The following SORBS2 variants were observed in gnomAD, a reference collection of about 807,000 sequenced individuals.
SORBS2 encodes sorbin and SH3 domain containing 2.
SORBS2 carries 46 observed loss-of-function variants against 97.7 expected under a neutral mutation model. The ratio of observed to expected loss-of-function variants is 0.47; its 90% CI spans 0.37 to 0.60. The LOEUF is 0.60. Ranked by LOEUF, SORBS2 falls within the 20% of genes least tolerant of loss-of-function variation. SORBS2 has a pLI of 0.00. For missense variants in SORBS2, 1,316 were observed against 1,282.3 expected (o/e 1.03, Z -0.40); for synonymous variants, 476 against 473.4 (o/e 1.01, Z -0.07).
intron 12 of SORBS2, among the ~76,000 whole-genome samples, chr4:185,602,925 A>AT (rs1189009996): frequency 6.6e-6 from 1 of 152,216 alleles, no homozygotes; most frequent in Non-Finnish European, 1.5e-5. Flanking sequence ...AAAAATTGAG[A>AT]TTTCCTCCTA....
At chr4:185,667,235 C>T (rs1300436329) in intron 4 of SORBS2, among the ~76,000 whole-genome samples, 2 of 152,030 alleles carry the variant, frequency 1.3e-5, no homozygotes, top group African/African-American at 4.8e-5. Context: ...GATATTAGTA[C>T]AAAGATGGGA....
chr4:185,733,085 G>A (rs1447468952), intron 2 of SORBS2, among the ~76,000 whole-genome samples: 1 of 152,218 alleles, frequency 6.6e-6, no homozygotes, highest in Non-Finnish European at 1.5e-5. Context: ...CCCACGTAGA[G>A]TGTGAGACAA....
chr4:185,917,993 GT>G (rs1420171324), intron 1 of SORBS2: 1 of 152,098 alleles, frequency 6.6e-6, no homozygotes, highest in Non-Finnish European at 1.5e-5. Context: ...AAAATTCTTA[GT>G]TTCATAACGG....
intron 1 of SORBS2, among the ~76,000 whole-genome samples, chr4:185,783,877 A>C (rs763267707): frequency 6.6e-6 from 1 of 152,202 alleles, no homozygotes; most frequent in Non-Finnish European, 1.5e-5. Context: ...TTTTACAATT[A>C]AGTCACTATT....
At chr4:185,749,592 A>G (rs1239549402) in intron 2 of SORBS2, among the ~76,000 whole-genome samples, 1 of 152,220 alleles carries the variant, frequency 6.6e-6, no homozygotes, top group African/African-American at 2.4e-5. Flanking sequence ...ACCTTAGGGT[A>G]TATGGACTTT....
chr4:185,651,825 T>A (rs1230792133), intron 2 of SORBS2: 5 of 1,448,718 alleles, frequency 3.5e-6, no homozygotes, highest in Non-Finnish European at 4.8e-6. Flanking sequence ...GTCTGTGTCA[T>A]CATCTAGAAA....
At position 185,873,665 on chromosome 4, in the gene SORBS2, A is replaced by C. The variant is rs1168987369; in HGVS notation, c.-338+82531T>G. 2.0e-5 allele frequency among the ~76,000 whole-genome samples: 3 copies of C among 152,320 alleles called. No homozygotes were observed. In the East Asian group the frequency reaches 5.8e-4, roughly 29 times the overall value. ...TACATAAAAAATGAATACTTTAGAG[A>C]AAGACTGGGGTTTGATGCAACTCTA... On this transcript the variant is annotated intron_variant, in intron 1 of 20. Coordinates refer to the SORBS2 transcript ENST00000284776.
At chr4:185,649,398 A>G (rs1316478480) in intron 3 of SORBS2, 69 bp downstream of exon 12, 2 of 1,299,900 alleles carry the variant, frequency 1.5e-6, no homozygotes, top group Non-Finnish European at 2.1e-6. Context: ...TGATTCTTCT[A>G]CTGAATGCCA....
At chr4:185,863,746 T>A (rs2099225219) in intron 1 of SORBS2, among the ~76,000 whole-genome samples, 1 of 152,198 alleles carries the variant, frequency 6.6e-6, no homozygotes, top group Non-Finnish European at 1.5e-5. Context: ...ACCTCCAAAG[T>A]GTGAAAAATC....
intron 1 of SORBS2, among the ~76,000 whole-genome samples, chr4:185,849,689 C>T (rs898331184): frequency 1.3e-5 from 2 of 152,190 alleles, no homozygotes; most frequent in African/African-American, 4.8e-5. Flanking sequence ...AGGGGCAGGC[C>T]TGGGACTTTG....
chr4:185,689,891 T>A (rs74631384), intron 2 of SORBS2, among the ~76,000 whole-genome samples: 7,279 of 152,338 alleles, frequency 0.048, 274 homozygotes, highest in East Asian at 0.12. Context: ...AAGTTGTTTC[T>A]TGAATTACTT....
chr4:185,928,733 A>G (rs1388618928), intron 1 of SORBS2, among the ~76,000 whole-genome samples: 1 of 152,104 alleles, frequency 6.6e-6, no homozygotes, highest in Non-Finnish European at 1.5e-5. Context: ...TTTTTAGTAG[A>G]GACGGGGTTT....
intron 6 of SORBS2, among the ~76,000 whole-genome samples, chr4:185,626,457 T>C (rs73028078): frequency 0.054 from 8,280 of 152,354 alleles, 721 homozygotes; most frequent in African/African-American, 0.19. Flanking sequence ...CTTGTAATTT[T>C]TATCCTATAA....
At chr4:185,682,739 A>G (rs11941643) in intron 2 of SORBS2, among the ~76,000 whole-genome samples, 15,169 of 152,186 alleles carry the variant, frequency 0.1, 839 homozygotes, top group African/African-American at 0.14. Flanking sequence ...GGCCAGGTGT[A>G]GTGGCTCAGG....
intron 12 of SORBS2, among the ~76,000 whole-genome samples, chr4:185,597,125 A>G (rs1050414012): frequency 1.1e-4 from 17 of 152,230 alleles, no homozygotes; most frequent in Admixed American, 6.5e-5. Flanking sequence ...AGTTTATTTT[A>G]AAGGCATTTG....
At position 185,623,482 on chromosome 4, in the gene SORBS2, G is replaced by A. The variant is rs267600109; in HGVS notation, c.1647C>T (p.His549=). Residue 549 remains histidine, a synonymous_variant, in exon 7 of 15, where the codon CAC becomes CAT. Transcript: ENST00000418609. This position sits in a 1 kb window ranked among gnomAD's most constrained non-coding sequence, Gnocchi z 6.4. ...TGAGGTGGCGGTGGTGGTGGTGGTG[G>A]TGATGGTGGTGGTGGTGGCTGGATC... 1.2e-6 allele frequency: 2 copies of A among 1,613,076 alleles called. No individual in the cohort carries two copies. Among genetic ancestry groups the A allele is most frequent in the Non-Finnish European group, 8.5e-7 (1 of 1,179,926 alleles).
At chr4:185,674,139 C>T (rs572231396) in intron 4 of SORBS2, among the ~76,000 whole-genome samples, 41 of 152,320 alleles carry the variant, frequency 2.7e-4, no homozygotes, top group Non-Finnish European at 4.3e-4. Context: ...AGTACAGGCT[C>T]TTACATCCAA....
intron 1 of SORBS2, among the ~76,000 whole-genome samples, chr4:185,930,543 C>T (rs1437833290): frequency 6.6e-6 from 1 of 152,174 alleles, no homozygotes; most frequent in Non-Finnish European, 1.5e-5. Flanking sequence ...CGTGATCCGC[C>T]TGCCTCGGCC....
chr4:185,947,642 G>A (rs979069505), intron 1 of SORBS2, among the ~76,000 whole-genome samples: 10 of 151,566 alleles, frequency 6.6e-5, no homozygotes, highest in Non-Finnish European at 8.8e-5. Context: ...ATGGAGTTTC[G>A]CTCTTGTTGC....
Sources: gnomAD v4.1 joint callset for allele counts (sites outside exome capture counted in the v4.1 genomes callset) on GRCh38, gnomAD v4.1.1 for gene constraint, Gnocchi (gnomAD v3.1) non-coding constraint, MANE v1.5 for transcripts, NCBI Gene and HGNC (gene_info 2026-07-23, HGNC 2026-07-21) for gene names.